The following ERCC8 variants were observed in gnomAD, a reference collection of about 807,000 sequenced individuals.
ERCC8 encodes the protein DNA excision repair protein ERCC-8.
In ERCC8, 52 loss-of-function variants were observed where a neutral mutation model predicts 54.9. The ratio of observed to expected loss-of-function variants is 0.95; its 90% confidence interval spans 0.76 to 1.19. The LOEUF (loss-of-function observed/expected upper bound fraction) is 1.19, where lower values mean the gene tolerates loss of function less well. ERCC8 is among the 50% of genes most tolerant of loss of function. ERCC8 has a pLI of 0.00. For synonymous variants in ERCC8, 146 were observed against 157.2 expected, an observed-to-expected ratio of 0.93 and a Z score of 0.53; for missense variants, 514 against 466.1, an observed-to-expected ratio of 1.10 and a Z score of -0.95.
chr5:60,888,574 A>G (rs953007936), intron 10 of ERCC8, among the ~76,000 whole-genome samples: 3 of 152,232 alleles, frequency 2.0e-5, no homozygotes, highest in East Asian at 3.8e-4. Context: ...AAGCAGCAAC[A>G]TTTAAATTAG....
chr5:60,898,298 C>A lies in ERCC8; in HGVS notation c.821G>T (p.Ser274Ile), dbSNP rs1486750947. ...GTDNRMRLWN[S>I]SNGENTLVNY... ...TACAAGTGTGTTTTCTCCATTGGAA[C>A]TATTCCAGAGCCTCATTCGATTATC... Residue 274 changes from serine to isoleucine, a missense_variant, in exon 9 of 12, where the codon AGT (serine) becomes ATT (isoleucine). Ser to Ile is a moderately radical substitution (Grantham distance 142). Transcript: ENST00000676185. The A allele has an allele frequency of 2.5e-6, 4 of 1,613,576 alleles. No individual in the cohort carries two copies. Among genetic ancestry groups the A allele is most frequent in the Non-Finnish European group, 3.4e-6 (4 of 1,179,648 alleles).
At position 60,870,366 on chromosome 5, in the gene ERCC8, C is replaced by T. The variant is rs554345959; in HGVS notation, c.*4249G>A. 4.0e-5 allele frequency among the ~76,000 whole-genome samples: 6 copies of T among 151,190 alleles called. No homozygotes were observed. Among genetic ancestry groups the T allele is most frequent in the Non-Finnish European group, 7.4e-5 (5 of 67,790 alleles). ...ATGAAAGAGAAGTCGAAGTCAGGCC[C>T]GGCACGGTGGCTCACGCCTGTAAAT... On this transcript the variant is annotated 3_prime_UTR_variant, in exon 12 of 12. Coordinates refer to ENST00000676185, the MANE Select transcript of ERCC8 (RefSeq NM_000082.4).
rs1747802842 is a variant in ERCC8, at chr5:60,868,670, A to G, written c.*5945T>C. Among the ~76,000 whole-genome samples the G allele has an allele frequency of 1.3e-5, 2 of 152,332 alleles. No homozygotes were observed. The highest frequency in any genetic ancestry group is 1.3e-4 in the Admixed American group (2 of 15,302). Reference sequence around the variant, plus strand: ...GATAGAAAAATTTGTATTATAATAAATGATTTGTAATAATTCTAAGCACCC... The same window carrying G: ...GATAGAAAAATTTGTATTATAATAAGTGATTTGTAATAATTCTAAGCACCC... On this transcript the variant is annotated 3_prime_UTR_variant, in exon 12 of 12. Transcript: ENST00000676185.
At position 60,918,305 on chromosome 5, in the gene ERCC8, A is replaced by C. The variant is rs1370144272; in HGVS notation, c.359T>G (p.Phe120Cys). The C allele has an allele frequency of 6.3e-6, 10 of 1,597,736 alleles. No homozygotes were observed. The East Asian group carries it at 2.2e-4, about 36-fold the overall frequency. The change falls in exon 4 of 12, where the codon TTT becomes TGT. Residue 120 changes from phenylalanine (F) to cysteine (C), a missense_variant. Physicochemically the swap from Phe to Cys is radical, Grantham distance 205 (BLOSUM62 -2). Transcript: ENST00000676185. Reference protein sequence around the residue: ...HDTGMFTSSSFDKTLKVWDTN... With the variant: ...HDTGMFTSSSCDKTLKVWDTN... ...ATCCCATACTTTCAGAGTTTTATCA[A>C]ATGAGCTTGATGTGAACATGCCAGT...
At chr5:60,944,864 G>C in intron 1 of ERCC8, 68 bp downstream of exon 1, 1 of 1,154,292 alleles carries the variant, frequency 8.7e-7, no homozygotes. Context: ...GAAAGTGTGG[G>C]GCAAAGCTTA....
At chr5:60,895,707 G>A (rs1041019612) in intron 9 of ERCC8, among the ~76,000 whole-genome samples, 4 of 152,102 alleles carry the variant, frequency 2.6e-5, no homozygotes, top group African/African-American at 7.2e-5. Context: ...GTGGGGTGAC[G>A]AAGAAAAAAT....
chr5:60,877,305 A>G (rs1253120227), intron 11 of ERCC8, among the ~76,000 whole-genome samples: 1 of 152,190 alleles, frequency 6.6e-6, no homozygotes, highest in Non-Finnish European at 1.5e-5. Context: ...GTTTGAAGTC[A>G]GGTAGTGTGA....
intron 2 of ERCC8, among the ~76,000 whole-genome samples, chr5:60,928,164 T>C (rs1561514562): frequency 6.6e-6 from 1 of 152,218 alleles, no homozygotes. Flanking sequence ...TGCAGTGTTA[T>C]GACGAATTGT....
intron 8 of ERCC8, 143 bp from the exon 9 acceptor site, chr5:60,898,543 G>T: frequency 1.2e-6 from 1 of 851,796 alleles, no homozygotes; most frequent in African/African-American, 1.7e-5. Flanking sequence ...CAACCCTTCA[G>T]ATTATTTGAA....
chr5:60,877,408 G>A lies in ERCC8; in HGVS notation c.1123-2725C>T, dbSNP rs556378564. Among the ~76,000 whole-genome samples the A allele has an allele frequency of 5.3e-5, 8 of 152,272 alleles. No individual in the cohort carries two copies. The East Asian group carries it at 1.5e-3, about 29-fold the overall frequency. ...GAACTTTAGTTTTTTCCAATTCTGT[G>A]AAGAAAGTCATTGGTAGCTTGATGG... On this transcript the variant is annotated intron_variant, in intron 11 of 11. Coordinates refer to ENST00000676185, the MANE Select transcript of ERCC8 (RefSeq NM_000082.4).
At chr5:60,910,722 C>T (rs569422317) in intron 4 of ERCC8, among the ~76,000 whole-genome samples, 20 of 152,082 alleles carry the variant, frequency 1.3e-4, no homozygotes, top group Non-Finnish European at 2.2e-4. Flanking sequence ...TACCTTGTAT[C>T]CAGCAAATTT....
chr5:60,902,885 A>G (rs547352563), intron 6 of ERCC8, among the ~76,000 whole-genome samples: 88 of 152,150 alleles, frequency 5.8e-4, no homozygotes, highest in African/African-American at 2.0e-3. Flanking sequence ...TCATAAAGTT[A>G]TAAGAGAAAC....
At chr5:60,908,218 ATT>A (rs35483171) in intron 4 of ERCC8, among the ~76,000 whole-genome samples, 1 of 145,180 alleles carries the variant, frequency 6.9e-6, no homozygotes, top group African/African-American at 2.5e-5. Flanking sequence ...CAGAGTTCAG[ATT>A]TTTTTTTTTT....
intron 4 of ERCC8, among the ~76,000 whole-genome samples, chr5:60,910,324 G>A (rs1749221508): frequency 6.6e-6 from 1 of 152,096 alleles, no homozygotes; most frequent in Non-Finnish European, 1.5e-5. Flanking sequence ...TGATAGTGAA[G>A]TCTTCCAACT....
At chr5:60,904,626 GTGTGTGTGTATATATATATATATATA>G (rs1749001006) in intron 5 of ERCC8, among the ~76,000 whole-genome samples, 140 bp downstream of exon 5, 2 of 24,720 alleles carry the variant, frequency 8.1e-5, no homozygotes, top group African/African-American at 4.3e-4. Flanking sequence ...TATATAGTGT[GTGTGTGTGTATATATATATATATATA>G]TATATATATA....
At chr5:60,928,982 A>G (rs1208215301) in intron 1 of ERCC8, 23 bp from the exon 2 acceptor site, 16 of 1,314,318 alleles carry the variant, frequency 1.2e-5, no homozygotes, top group Non-Finnish European at 1.6e-5. Flanking sequence ...AGGGGGAGAA[A>G]GAAATTAACA....
rs542862042 is a variant in ERCC8 at position 60,884,534 on chromosome 5, T to TTTG, written c.1122+2905_1122+2906insCAA. On this transcript the variant is annotated intron_variant, in intron 11 of 11. Coordinates refer to ENST00000676185, the MANE Select transcript of ERCC8 (RefSeq NM_000082.4). Reference sequence around the variant, plus strand: ...ATATGTGTGTATGTGTTTTTTTTTTTTTTGTTTTCTAGTGTGGTATACTGC... The same window carrying TTTG: ...ATATGTGTGTATGTGTTTTTTTTTTTTTGTTTGTTTTCTAGTGTGGTATACTGC... 1.2e-3 allele frequency among the ~76,000 whole-genome samples: 175 copies of TTTG among 150,624 alleles called. 1 individual carries two copies. Among genetic ancestry groups the TTTG allele is most frequent in the Non-Finnish European group, 1.3e-3 (90 of 67,696 alleles).
chr5:60,891,531 A>G (rs1211307682), intron 9 of ERCC8, among the ~76,000 whole-genome samples: 1 of 152,050 alleles, frequency 6.6e-6, no homozygotes, highest in African/African-American at 2.4e-5. Context: ...TATACTCCCA[A>G]AAAACATTAT....
At chr5:60,921,014 T>C (rs1749584780) in intron 3 of ERCC8, among the ~76,000 whole-genome samples, 1 of 151,938 alleles carries the variant, frequency 6.6e-6, no homozygotes, top group African/African-American at 2.4e-5. Context: ...TATCTTGTTT[T>C]GTACTAAGTA....
Sources: gnomAD v4.1 joint callset for allele counts (sites outside exome capture counted in the v4.1 genomes callset) on GRCh38, gnomAD v4.1.1 for gene constraint, MANE v1.5 for transcripts, NCBI Gene and HGNC (gene_info 2026-07-23, HGNC 2026-07-21) for gene names.